The following PARD3B variants were observed in gnomAD, a reference collection of about 807,000 sequenced individuals.
PARD3B encodes par-3 family cell polarity regulator beta, also known as partitioning defective 3 homolog B.
A neutral mutation model predicts 130.2 loss-of-function variants in PARD3B; 103 were observed. That is an observed-to-expected ratio of 0.79 (90% CI 0.67 to 0.93). PARD3B has a LOEUF of 0.93. Among genes scored for constraint, PARD3B ranks in the 40% least tolerant of loss-of-function variants. The probability of loss-of-function intolerance (pLI) is 0.00; values close to 1 mark genes in which losing one functional copy is unlikely to be tolerated. For synonymous variants in PARD3B, 583 were observed against 553.2 expected (o/e 1.05, Z -0.76); for missense variants, 1,609 against 1,499.2 (o/e 1.07, Z -1.21).
In PARD3B at chr2:205,000,458, A is replaced by C. The variant is rs140159041; in HGVS notation, c.394+35135A>C. 3.7e-3 allele frequency among the ~76,000 whole-genome samples: 558 copies of C among 152,250 alleles called. 5 individuals carry two copies. Among genetic ancestry groups the C allele is most frequent in the African/African-American group, 0.013 (533 of 41,532 alleles). On this transcript the variant is annotated intron_variant, in intron 3 of 22. Transcript: ENST00000406610. ...TTTCCCTAAAAATTCCATGTTTGTT[A>C]TATTATGTTCCATGTATGCCTGAAT...
intron 10 of PARD3B, among the ~76,000 whole-genome samples, chr2:205,148,101 A>G (rs1390684950): frequency 6.6e-6 from 1 of 152,060 alleles, no homozygotes; most frequent in African/African-American, 2.4e-5. Context: ...CCTCTAGACT[A>G]TATAGTCCAT....
chr2:205,270,709 T>C (rs2040691067), intron 16 of PARD3B, among the ~76,000 whole-genome samples: 2 of 152,198 alleles, frequency 1.3e-5, no homozygotes, highest in South Asian at 4.1e-4. Flanking sequence ...TTTCAGTGGA[T>C]ATCAGATTGG....
At chr2:205,518,777 G>A (rs546292257) in intron 21 of PARD3B, among the ~76,000 whole-genome samples, 27 of 152,224 alleles carry the variant, frequency 1.8e-4, no homozygotes, top group South Asian at 6.2e-4. Context: ...AGGTCTGGTC[G>A]TAGTGAATTC....
chr2:205,109,302 A>T (rs1703456177), intron 5 of PARD3B, among the ~76,000 whole-genome samples: 1 of 152,136 alleles, frequency 6.6e-6, no homozygotes, highest in Non-Finnish European at 1.5e-5. Context: ...CATGCCACAG[A>T]TCTATGAATC....
intron 1 of PARD3B, among the ~76,000 whole-genome samples, chr2:204,679,960 T>C (rs1379946659): frequency 1.3e-5 from 2 of 152,202 alleles, no homozygotes; most frequent in Middle Eastern, 3.4e-3. Flanking sequence ...GTTTAAGATT[T>C]TTACCTACAT....
intron 22 of PARD3B, among the ~76,000 whole-genome samples, chr2:205,593,892 A>G (rs1271641146): frequency 6.6e-6 from 1 of 152,248 alleles, no homozygotes; most frequent in Non-Finnish European, 1.5e-5. Context: ...ATATAAGATC[A>G]TGGATTCATT....
At chr2:204,550,687 T>C (rs2030390003) in intron 1 of PARD3B, among the ~76,000 whole-genome samples, 1 of 152,188 alleles carries the variant, frequency 6.6e-6, no homozygotes, top group Non-Finnish European at 1.5e-5. Context: ...TATTCAGATA[T>C]TTTGAATAAT....
intron 16 of PARD3B, among the ~76,000 whole-genome samples, chr2:205,277,676 T>C (rs898958009): frequency 2.1e-4 from 32 of 152,050 alleles, no homozygotes; most frequent in African/African-American, 7.7e-4. Context: ...CTTTGAAGTA[T>C]GGCAATTTGT....
Position 204,887,994 on chromosome 2 carries a change from A to T in PARD3B, c.223-77158A>T, listed in dbSNP as rs2046320360. On this transcript the variant is annotated intron_variant, in intron 2 of 22. Coordinates refer to ENST00000406610, the MANE Select transcript of PARD3B (RefSeq NM_001302769.2). The surrounding 1 kb of genome is among the most constrained non-coding windows in gnomAD (Gnocchi z 4.2). The stretch of plus-strand genomic sequence containing the variant: ...GACCCCAGCATTCCAACTGGGAGGG[A>T]TCATTGGTGAAGTGTCAAGATGTCC... Among the ~76,000 whole-genome samples, 1 of 152,060 alleles carries T rather than the reference A, an allele frequency of 6.6e-6. No individual in the cohort carries two copies.
intron 3 of PARD3B, among the ~76,000 whole-genome samples, chr2:204,995,224 G>T (rs1409223884): frequency 1.3e-5 from 2 of 152,184 alleles, no homozygotes; most frequent in African/African-American, 4.8e-5. Context: ...GATACTGGTT[G>T]TTCCTTTCCA....
At chr2:204,944,643 G>T (rs1203414474) in intron 2 of PARD3B, among the ~76,000 whole-genome samples, 1 of 152,202 alleles carries the variant, frequency 6.6e-6, no homozygotes, top group Non-Finnish European at 1.5e-5. Context: ...TTAATCCAAT[G>T]TTGATATTTT....
chr2:205,359,616 C>T (rs2044317070), intron 18 of PARD3B, among the ~76,000 whole-genome samples: 2 of 152,136 alleles, frequency 1.3e-5, no homozygotes, highest in Non-Finnish European at 2.9e-5. Flanking sequence ...GATATATCCA[C>T]AAATAATTAG....
intron 1 of PARD3B, among the ~76,000 whole-genome samples, chr2:204,591,255 G>A (rs947398850): frequency 3.9e-5 from 6 of 152,196 alleles, no homozygotes; most frequent in Non-Finnish European, 7.3e-5. Flanking sequence ...TGCACCAAAT[G>A]GAAGGAGAGA....
intron 16 of PARD3B, among the ~76,000 whole-genome samples, chr2:205,259,194 T>C (rs2040207221): frequency 6.6e-6 from 1 of 152,188 alleles, no homozygotes; most frequent in Non-Finnish European, 1.5e-5. Flanking sequence ...TATTTACCAA[T>C]TTCTTAACTC....
rs1376817419 is a variant in PARD3B, at chr2:205,321,140, G to T, written c.2630+19439G>T. ...AGCTAAAACATTAATATAGTTTAGA[G>T]ATGATAGTTTTTGTAATATATGTTG... On this transcript the variant is annotated intron_variant, in intron 18 of 22. Coordinates refer to ENST00000406610, the MANE Select transcript of PARD3B (RefSeq NM_001302769.2). The surrounding 1 kb of genome is among the most constrained non-coding windows in gnomAD (Gnocchi z 4.2). 6.6e-6 allele frequency among the ~76,000 whole-genome samples: 1 copy of T among 152,144 alleles called. No homozygotes were observed. Among genetic ancestry groups the T allele is most frequent in the African/African-American group, 2.4e-5 (1 of 41,428 alleles).
intron 18 of PARD3B, among the ~76,000 whole-genome samples, chr2:205,370,085 G>A (rs1483804589): frequency 2.0e-5 from 3 of 152,090 alleles, no homozygotes; most frequent in African/African-American, 7.2e-5. Context: ...AGAGACCCTT[G>A]CAAACAAGTT....
intron 15 of PARD3B, among the ~76,000 whole-genome samples, chr2:205,203,221 C>A (rs2037086168): frequency 6.6e-6 from 1 of 152,086 alleles, no homozygotes. Context: ...GTACTTAGAA[C>A]ATTGTCTGTG....
At chr2:205,595,635 T>C (rs896421656) in intron 22 of PARD3B, among the ~76,000 whole-genome samples, 1 of 152,208 alleles carries the variant, frequency 6.6e-6, no homozygotes, top group African/African-American at 2.4e-5. Flanking sequence ...CAAATATGGC[T>C]GGAGCAAAGC....
chr2:205,431,268 G>A (rs1302508588), intron 19 of PARD3B, among the ~76,000 whole-genome samples: 1 of 152,038 alleles, frequency 6.6e-6, no homozygotes, highest in African/African-American at 2.4e-5. Context: ...GTAGAGATGG[G>A]GTTTCACCAT....
Sources: gnomAD v4.1 joint callset for allele counts (sites outside exome capture counted in the v4.1 genomes callset) on GRCh38, gnomAD v4.1.1 for gene constraint, Gnocchi (gnomAD v3.1) non-coding constraint, MANE v1.5 for transcripts, NCBI Gene and HGNC (gene_info 2026-07-23, HGNC 2026-07-21) for gene names.